Variants in MEN1 observed in about 807,000 individuals in gnomAD.
MEN1 encodes menin 1, also known as menin.
Under a neutral mutation model 58.0 loss-of-function variants are expected in MEN1, and 6 were observed. The observed-to-expected ratio is 0.10, with a 90% CI of 0.06 to 0.20. The LOEUF is 0.20. Ranked by LOEUF, MEN1 falls within the 10% of genes least tolerant of loss-of-function variation. The pLI is 1.00. For missense variants in MEN1, 492 were observed against 818.5 expected (o/e 0.60, Z 4.87); for synonymous variants, 346 against 350.7 (o/e 0.99, Z 0.15).
chr11:64,807,678 G>A lies in MEN1; in HGVS notation c.657C>T (p.Ser219=), dbSNP rs2059889716. The stretch of plus-strand genomic sequence containing the variant: ...TGTATGATCCTTTCAGGTACAGCCA[G>A]CTCTTAGGGGGGGATGAGATCATTA... ...QTVNAGVAER[S]WLYLKGSYMR... The change falls in exon 4 of 10, where the codon AGC becomes AGT. Residue 219 remains serine (S), a splice_region_variant and synonymous_variant. Transcript: ENST00000450708. The surrounding 1 kb of genome is among the most constrained non-coding windows in gnomAD (Gnocchi z 4.9). 1 of 1,614,146 alleles carries A rather than the reference G, an allele frequency of 6.2e-7. No homozygotes were observed. Among genetic ancestry groups the A allele is most frequent in the Non-Finnish European group, 8.5e-7 (1 of 1,180,040 alleles).
chr11:64,805,031 C>T lies in MEN1; in HGVS notation c.1350+3G>A. 1 of 1,613,630 alleles carries T rather than the reference C, an allele frequency of 6.2e-7. No homozygotes were observed. The highest frequency in any genetic ancestry group is 8.5e-7 in the Non-Finnish European group (1 of 1,180,016). On this transcript the variant is annotated splice_donor_region_variant and intron_variant, in intron 9 of 9. Transcript: ENST00000450708. ...CCCAGACCTCTGTGCAGCTGTCCCT[C>T]ACCTGTCCCTCAAAACGGCCTAGGG...
chr11:64,803,685 GGTCCTGCTCT>G lies in MEN1; in HGVS notation c.*639_*648del. The stretch of plus-strand genomic sequence containing the variant: ...GAGGTTCCCAGAGGGTCGGAAGGGA[GGTCCTGCTCT>G]GATCCGGGGCCAGTTTCGTCAGGAA... On this transcript the variant is annotated 3_prime_UTR_variant, in exon 10 of 10. Coordinates refer to ENST00000450708, the MANE Select transcript of MEN1 (RefSeq NM_001370259.2). 4.2e-6 allele frequency: 1 copy of G among 236,494 alleles called. No individual in the cohort carries two copies. The highest frequency in any genetic ancestry group is 8.3e-6 in the Non-Finnish European group (1 of 119,810). 14.6% of individuals were successfully genotyped at this position (236,494 alleles called of 1,614,324 possible).
rs945887648 is a variant in MEN1, at chr11:64,804,197, T to C, written c.*137A>G. The C allele has an allele frequency of 1.8e-6, 2 of 1,126,932 alleles. No homozygotes were observed. The highest frequency in any genetic ancestry group is 2.7e-6 in the Non-Finnish European group (2 of 751,660). The allele number at this position is 1,126,932 out of a possible 1,614,324, so 69.8% of individuals were successfully genotyped here. ...AAAATCGTGGGTTTGATACAGACTG[T>C]ACTCGGGACCGGGAACCTAGGGTTT... On this transcript the variant is annotated 3_prime_UTR_variant, in exon 10 of 10. Coordinates refer to ENST00000450708, the MANE Select transcript of MEN1 (RefSeq NM_001370259.2). This position sits in a 1 kb window ranked among gnomAD's most constrained non-coding sequence, Gnocchi z 4.2.
At chr11:64,808,947 G>A (rs1189250143) in intron 2 of MEN1, among the ~76,000 whole-genome samples, 1 of 97,654 alleles carries the variant, frequency 1.0e-5, no homozygotes, top group Non-Finnish European at 2.4e-5. Flanking sequence ...AGAGTGAGAC[G>A]CCGTCTGAAA....
At chr11:64,805,854 C>A (rs1941684763) in intron 7 of MEN1, 84 bp from the exon 8 acceptor site, 1 of 1,444,344 alleles carries the variant, frequency 6.9e-7, no homozygotes, top group Non-Finnish European at 9.7e-7. Context: ...GGGATGGAGC[C>A]CCCAGGGGCT....
chr11:64,807,323 C>A lies in MEN1; in HGVS notation c.784-104G>T. The A allele has an allele frequency of 7.2e-7, 1 of 1,383,444 alleles. No homozygotes were observed. The highest frequency in any genetic ancestry group is 2.4e-5 in the East Asian group (1 of 41,882). The allele number at this position is 1,383,444 out of a possible 1,614,324, so 85.7% of individuals were successfully genotyped here. A position where few individuals can be genotyped will look rare whatever the true frequency, so the allele number is the denominator to read the frequency against. ...GTCAGAACCAACAGGGACCACCCACCATGTGGAAGGGCCAAAATTCTGGGA... is the reference window on the plus strand; with the variant it reads ...GTCAGAACCAACAGGGACCACCCACAATGTGGAAGGGCCAAAATTCTGGGA... On this transcript the variant is annotated intron_variant, in intron 4 of 9. Transcript: ENST00000450708. The surrounding 1 kb of genome is among the most constrained non-coding windows in gnomAD (Gnocchi z 4.9).
At position 64,810,049 on chromosome 11, in the gene MEN1, G is replaced by T. The variant is rs541476418; in HGVS notation, c.61C>A (p.Arg21Ser). ...FPLRSIDDVVRLFAAELGREE... is the reference protein window; with the variant it reads ...FPLRSIDDVVSLFAAELGREE... ...CGGCCCAGCTCGGCAGCAAACAGGC[G>T]CACCACGTCGTCGATGGAGCGCAGC... is the stretch of plus-strand genomic sequence containing the variant. Residue 21 changes from arginine to serine, a missense_variant, in exon 2 of 10, where the codon CGC (arginine) becomes AGC (serine). Physicochemically the swap from Arg to Ser is moderately radical, Grantham distance 110. Around this residue, in one of 5 missense-constraint regions of MEN1, gnomAD observed 335 missense variants for 550.3 expected, o/e 0.61. Transcript: ENST00000450708. The T allele has an allele frequency of 8.4e-5, 135 of 1,600,304 alleles. No homozygotes were observed. The South Asian group carries it at 1.4e-3, about 16-fold the overall frequency.
chr11:64,804,474 G>A lies in MEN1; in HGVS notation c.1693C>T (p.Leu565=), dbSNP rs1251646520. The A allele has an allele frequency of 6.2e-7, 1 of 1,614,050 alleles. No individual in the cohort carries two copies. The highest frequency in any genetic ancestry group is 8.5e-7 in the Non-Finnish European group (1 of 1,180,000). ...CTCGAGTTGATCTTGGTGGCCACCA[G>A]CAGCTCCTTCATGCCCTTCATCTTC... ...SEKMKGMKEL[L]VATKINSSAI... The change falls in exon 10 of 10, where the codon CTG becomes TTG. Residue 565 remains leucine, a synonymous_variant. Transcript: ENST00000450708. This position sits in a 1 kb window ranked among gnomAD's most constrained non-coding sequence, Gnocchi z 4.2.
chr11:64,804,858 C>A lies in MEN1; in HGVS notation c.1351-42G>T, dbSNP rs377038984. 1 of 1,595,284 alleles carries A rather than the reference C, an allele frequency of 6.3e-7. No homozygotes were observed. Among genetic ancestry groups the A allele is most frequent in the East Asian group, 2.2e-5 (1 of 44,792 alleles). On this transcript the variant is annotated intron_variant, in intron 9 of 9. Transcript: ENST00000450708. The surrounding 1 kb of genome is among the most constrained non-coding windows in gnomAD (Gnocchi z 4.2). ...AGCAAGGTGAGAGCAAGGTTGCCGG[C>A]CAGTGGCTGGAACTCCAGGACCCTG...
At chr11:64,810,154 G>A (rs1183832467) in intron 1 of MEN1, 22 bp from the exon 2 acceptor site, 1 of 1,288,482 alleles carries the variant, frequency 7.8e-7, no homozygotes, top group Non-Finnish European at 1.1e-6. Flanking sequence ...GCCGGGGGAG[G>A]GAGGGTCGGG....
At position 64,805,740 on chromosome 11, in the gene MEN1, G is replaced by A. The variant is rs147331514; in HGVS notation, c.1080C>T (p.Ile360=). ...TGGCTACTTCAAAGAACTCCTTGTA[G>A]ATCTCCTCGTCTTCCCGGCAGTAGT... ...DYNYCREDEE[I]YKEFFEVAND... is the part of the protein sequence containing the mutation. Residue 360 remains isoleucine, a synonymous_variant, in exon 8 of 10, where the codon ATC becomes ATT. Coordinates refer to ENST00000450708, the MANE Select transcript of MEN1 (RefSeq NM_001370259.2). 1.9e-4 allele frequency: 308 copies of A among 1,614,082 alleles called. No homozygotes were observed. Among genetic ancestry groups the A allele is most frequent in the Non-Finnish European group, 2.5e-4 (300 of 1,180,020 alleles).
chr11:64,806,368 C>T lies in MEN1; in HGVS notation c.913G>A (p.Gly305Ser), dbSNP rs1555165146. The T allele has an allele frequency of 6.2e-7, 1 of 1,614,142 alleles. No individual in the cohort carries two copies. Reference sequence around the variant, plus strand: ...TAGTAGGTCTTGGCTGAGGCAATGCCCTGGATGGAGGTGAGGCAGAGGATC... The same window carrying T: ...TAGTAGGTCTTGGCTGAGGCAATGCTCTGGATGGAGGTGAGGCAGAGGATC... ...RPDPLTLYHK[G>S]IASAKTYYRD... Residue 305 changes from glycine to serine, a missense_variant and splice_region_variant, in exon 7 of 10, where the codon GGC becomes AGC. Physicochemically the swap from Gly to Ser is moderately conservative, Grantham distance 56 (BLOSUM62 0). This residue lies in a region of MEN1 where 335 missense variants were observed against 550.3 expected (regional missense o/e 0.61). Transcript: ENST00000450708.
chr11:64,804,770 T>A lies in MEN1; in HGVS notation c.1397A>T (p.Glu466Val), dbSNP rs1352053477. 17 of 1,596,148 alleles carry A rather than the reference T, an allele frequency of 1.1e-5. No individual in the cohort carries two copies. Among genetic ancestry groups the A allele is most frequent in the Non-Finnish European group, 1.4e-5 (16 of 1,178,620 alleles). The change falls in exon 10 of 10, where the codon GAG becomes GTG. Residue 466 changes from glutamate to valine, a missense_variant. This residue lies in a region of MEN1 where 45 missense variants were observed against 66.9 expected (regional missense o/e 0.67). Transcript: ENST00000450708. This position sits in a 1 kb window ranked among gnomAD's most constrained non-coding sequence, Gnocchi z 4.2. ...RIVSREAEAA[E>V]AEEPWGEEAR... The stretch of plus-strand genomic sequence containing the variant: ...TTCCTCGCCCCACGGCTCCTCGGCC[T>A]CGGCCGCCTCGGCCTCTCGGCTCAC...
chr11:64,807,781 A>T lies in MEN1; in HGVS notation c.655-101T>A. 1 of 1,606,946 alleles carries T rather than the reference A, an allele frequency of 6.2e-7. No homozygotes were observed. Among genetic ancestry groups the T allele is most frequent in the Non-Finnish European group, 8.5e-7 (1 of 1,174,484 alleles). ...AGGGGCTCTTCTGTCTTCCCTTCCTATGTGGGTGGTGATGGGAAGAAAGGG... is the reference window on the plus strand; with the variant it reads ...AGGGGCTCTTCTGTCTTCCCTTCCTTTGTGGGTGGTGATGGGAAGAAAGGG... On this transcript the variant is annotated intron_variant, in intron 3 of 9. Transcript: ENST00000450708. The surrounding 1 kb of genome is among the most constrained non-coding windows in gnomAD (Gnocchi z 4.9).
rs896947172 is a variant in MEN1 at position 64,809,714 on chromosome 11, G to T, written c.396C>A (p.Ser132=). The change falls in exon 2 of 10, where the codon TCC becomes TCA. Residue 132 remains serine (S), a synonymous_variant. Coordinates refer to ENST00000450708, the MANE Select transcript of MEN1 (RefSeq NM_001370259.2). ...GGATGTGGGCCCGATCCTTGAAGTA[G>T]GAGCGGCTGAGGCTGTTCCATATGA... The part of the protein sequence containing the change: ...SDVIWNSLSR[S]YFKDRAHIQS... 1 of 1,614,204 alleles carries T rather than the reference G, an allele frequency of 6.2e-7. No homozygotes were observed. Among genetic ancestry groups the T allele is most frequent in the Non-Finnish European group, 8.5e-7 (1 of 1,180,034 alleles).
Position 64,807,479 on chromosome 11 carries a change from T to C in MEN1, c.783+73A>G. 12 of 1,520,586 alleles carry C rather than the reference T, an allele frequency of 7.9e-6. No individual in the cohort carries two copies. The highest frequency in any genetic ancestry group is 7.3e-6 in the Non-Finnish European group (8 of 1,100,288). The allele number at this position is 1,520,586 out of a possible 1,614,324, so 94.2% of individuals were successfully genotyped here. ...GAAGCTGAAGCTCAGGAAGGGAAAG[T>C]GCCCCTGCCCAGGGTCCCACAGCAA... On this transcript the variant is annotated intron_variant, in intron 4 of 9. Coordinates refer to ENST00000450708, the MANE Select transcript of MEN1 (RefSeq NM_001370259.2). The surrounding 1 kb of genome is among the most constrained non-coding windows in gnomAD (Gnocchi z 4.9).
chr11:64,809,527 T>C, intron 2 of MEN1, 138 bp downstream of exon 2: 1 of 1,097,708 alleles, frequency 9.1e-7, no homozygotes, highest in Non-Finnish European at 1.3e-6. Context: ...TCTCTGGGCT[T>C]CAGTTTCCCA....
intron 2 of MEN1, among the ~76,000 whole-genome samples, chr11:64,809,461 C>T (rs1346501480): frequency 6.6e-6 from 1 of 152,068 alleles, no homozygotes; most frequent in East Asian, 1.9e-4. Context: ...GCCAAGTGAT[C>T]AGGCTTCACT....
Position 64,804,134 on chromosome 11 carries a change from C to CT in MEN1, c.*199dup, listed in dbSNP as rs1310257524. On this transcript the variant is annotated 3_prime_UTR_variant, in exon 10 of 10. Coordinates refer to ENST00000450708, the MANE Select transcript of MEN1 (RefSeq NM_001370259.2). This position sits in a 1 kb window ranked among gnomAD's most constrained non-coding sequence, Gnocchi z 4.2. ...GATTCTGGGAGAAGAGACCTATATTCTAACGACTGGGGCAGAGCCCTGGGT... is the reference window on the plus strand; with the variant it reads ...GATTCTGGGAGAAGAGACCTATATTCTTAACGACTGGGGCAGAGCCCTGGGT... 1.1e-5 allele frequency: 7 copies of CT among 651,164 alleles called. No homozygotes were observed. The highest frequency in any genetic ancestry group is 1.9e-5 in the Non-Finnish European group (7 of 376,770). 40.3% of individuals were successfully genotyped at this position (651,164 alleles called of 1,614,324 possible).
Sources: gnomAD v4.1 joint callset for allele counts (sites outside exome capture counted in the v4.1 genomes callset) on GRCh38, gnomAD v4.1.1 for gene constraint, gnomAD v4.1.1 regional missense constraint, Gnocchi (gnomAD v3.1) non-coding constraint, MANE v1.5 for transcripts, NCBI Gene and HGNC (gene_info 2026-07-23, HGNC 2026-07-21) for gene names.